The following ODC1 variants were observed in gnomAD, a reference collection of about 807,000 sequenced individuals.
ODC1 encodes the protein ornithine decarboxylase.
A neutral mutation model predicts 41.5 loss-of-function variants in ODC1; 18 were observed. The observed-to-expected ratio is 0.43, with a 90% CI of 0.30 to 0.64. ODC1 has a LOEUF of 0.64. Ranked by LOEUF, ODC1 falls within the 30% of genes least tolerant of loss-of-function variation. The pLI, the probability that ODC1 is intolerant of heterozygous loss-of-function variation, is 0.11. For synonymous variants in ODC1, 218 were observed against 211.6 expected, an observed-to-expected ratio of 1.03 and a Z score of -0.26; for missense variants, 504 against 589.0, an observed-to-expected ratio of 0.86 and a Z score of 1.49.
chr2:10,440,949 C>A (rs1671800069), intron 11 of ODC1, 81 bp from the exon 12 acceptor site: 1 of 1,470,164 alleles, frequency 6.8e-7, no homozygotes. Context: ...CATCAGGAAA[C>A]AATTCAATGT....
At position 10,443,738 on chromosome 2, in the gene ODC1, C is replaced by T. The variant is rs752043401; in HGVS notation, c.548G>A (p.Arg183Gln). The change falls in exon 6 of 12, where the codon CGG (arginine) becomes CAG (glutamine). Residue 183 changes from arginine to glutamine, a missense_variant. Transcript: ENST00000234111. ...AACATCGATATTTAGCTCTTTCGCC[C>T]GTTCCAAAAGGAGCCTGCTGGTTCT... ...TLRTSRLLLE[R>Q]AKELNIDVVG... 3.7e-6 allele frequency: 6 copies of T among 1,614,186 alleles called. No homozygotes were observed. Among genetic ancestry groups the T allele is most frequent in the Non-Finnish European group, 4.2e-6 (5 of 1,180,034 alleles).
chr2:10,441,607 C>G lies in ODC1; in HGVS notation c.1143G>C (p.Met381Ile), dbSNP rs1348369745. The G allele has an allele frequency of 3.7e-6, 6 of 1,614,236 alleles. No homozygotes were observed. Among genetic ancestry groups the G allele is most frequent in the Non-Finnish European group, 5.1e-6 (6 of 1,180,046 alleles). The change falls in exon 11 of 12, where the codon ATG becomes ATC. Residue 381 changes from methionine to isoleucine, a missense_variant. By Grantham distance (10) the Met-to-Ile change is conservative. Coordinates refer to ENST00000234111, the MANE Select transcript of ODC1 (RefSeq NM_002539.3). ...TGTAAGCGCCCATGTTTTCAAAGAG[C>G]ATCCAATCACCCACATGCATTTCAG... ...DLPEMHVGDW[M>I]LFENMGAYTV... is the part of the protein sequence containing the mutation.
rs759383695 is a variant in ODC1, at chr2:10,442,133, C to T, written c.792G>A (p.Pro264=). ...VINPALDKYF[P]SDSGVRIIAE... Reference sequence around the variant, plus strand: ...CTATGATTCTCACTCCAGAGTCTGACGGAAAGTATTTGTCCAACGCTGGGT... The same window carrying T: ...CTATGATTCTCACTCCAGAGTCTGATGGAAAGTATTTGTCCAACGCTGGGT... The change falls in exon 9 of 12, where the codon CCG becomes CCA. Residue 264 remains proline (P), a synonymous_variant. Transcript: ENST00000234111. 6.2e-6 allele frequency: 10 copies of T among 1,613,600 alleles called. No individual in the cohort carries two copies. Among genetic ancestry groups the T allele is most frequent in the East Asian group, 2.2e-5 (1 of 44,896 alleles).
At chr2:10,442,313 C>T in intron 8 of ODC1, 139 bp from the exon 9 acceptor site, 2 of 861,552 alleles carry the variant, frequency 2.3e-6, no homozygotes, top group East Asian at 5.3e-5. Context: ...GTAACAAAAG[C>T]AAAAAAACAT....
intron 1 of ODC1, among the ~76,000 whole-genome samples, chr2:10,445,791 A>G (rs1671993735): frequency 6.6e-6 from 1 of 152,016 alleles, no homozygotes; most frequent in South Asian, 2.1e-4. Flanking sequence ...GCCTGCCACC[A>G]TGCCCGGCTA....
chr2:10,440,062 G>C lies in ODC1; in HGVS notation c.*662C>G, dbSNP rs1404889746. The C allele has an allele frequency of 6.6e-6, 1 of 152,322 alleles. No homozygotes were observed. The highest frequency in any genetic ancestry group is 1.5e-5 in the Non-Finnish European group (1 of 68,128). 9.4% of individuals were successfully genotyped at this position (152,322 alleles called of 1,614,324 possible). On this transcript the variant is annotated 3_prime_UTR_variant, in exon 12 of 12. Coordinates refer to ENST00000234111, the MANE Select transcript of ODC1 (RefSeq NM_002539.3). ...ACTTCTCACAGGCATGAAGGTGGGA[G>C]GGGACACGGATGGTCTCTGCAGGCC...
intron 1 of ODC1, chr2:10,446,748 G>A (rs767664958): frequency 2.0e-4 from 96 of 471,262 alleles, no homozygotes; most frequent in Non-Finnish European, 3.6e-4. Context: ...AGCAGCCTAC[G>A]GGCACAGAGG....
chr2:10,440,882 A>C lies in ODC1; in HGVS notation c.1242-14T>G. ...TGCATGAGTTGCCTGAGAAAGAAAA[A>C]GTGGCATATTAAAAACCCTGACTCA... On this transcript the variant is annotated splice_polypyrimidine_tract_variant and intron_variant, in intron 11 of 11. Transcript: ENST00000234111. The C allele has an allele frequency of 6.2e-7, 1 of 1,613,904 alleles. No homozygotes were observed. The highest frequency in any genetic ancestry group is 8.5e-7 in the Non-Finnish European group (1 of 1,179,912).
rs1194421807 is a variant in ODC1 at position 10,440,642 on chromosome 2, A to G, written c.*82T>C. 1 of 1,441,196 alleles carries G rather than the reference A, an allele frequency of 6.9e-7. No homozygotes were observed. Among genetic ancestry groups the G allele is most frequent in the African/African-American group, 1.4e-5 (1 of 70,808 alleles). The allele number at this position is 1,441,196 out of a possible 1,614,324, so 89.3% of individuals were successfully genotyped here. A position where few individuals can be genotyped will look rare whatever the true frequency, so the allele number is the denominator to read the frequency against. ...CCTACTCTTACAAAGACATTTCAAA[A>G]CTAGCAGTAATTAAGTTACATGGTC... On this transcript the variant is annotated 3_prime_UTR_variant, in exon 12 of 12. Transcript: ENST00000234111.
chr2:10,442,231 G>A, intron 8 of ODC1, 57 bp from the exon 9 acceptor site: 1 of 1,523,278 alleles, frequency 6.6e-7, no homozygotes, highest in South Asian at 1.3e-5. Context: ...ATTCACATGG[G>A]GGAGTAACAT....
At chr2:10,443,601 T>C in intron 6 of ODC1, 30 bp from the exon 7 acceptor site, 2 of 1,607,562 alleles carry the variant, frequency 1.2e-6, no homozygotes, top group Non-Finnish European at 1.7e-6. Context: ...CGAGACACTG[T>C]GTCTTAGTAT....
intron 1 of ODC1, 33 bp from the exon 2 acceptor site, chr2:10,445,297 C>A: frequency 5.2e-6 from 2 of 381,212 alleles, no homozygotes; most frequent in East Asian, 6.1e-5. Flanking sequence ...TGCTGTCTAC[C>A]TTAGGAACAC....
At chr2:10,440,900 CT>C (rs749922302) in intron 11 of ODC1, 32 bp from the exon 12 acceptor site, 62 of 1,612,708 alleles carry the variant, frequency 3.8e-5, no homozygotes, top group Middle Eastern at 3.4e-4. Flanking sequence ...ATTAAAAACC[CT>C]GACTCACTCC....
chr2:10,444,450 T>C (rs527717465), intron 4 of ODC1, 24 bp downstream of exon 4: 2 of 1,585,874 alleles, frequency 1.3e-6, no homozygotes, highest in East Asian at 2.2e-5. Flanking sequence ...TACAACGCTT[T>C]TGAGGCCTGC....
intron 1 of ODC1, 83 bp from the exon 2 acceptor site, chr2:10,445,347 G>T: frequency 6.4e-6 from 2 of 310,368 alleles, no homozygotes; most frequent in Non-Finnish European, 6.2e-6. Context: ...CACACGCAGA[G>T]CTAATCATGC....
intron 1 of ODC1, chr2:10,447,768 C>T: frequency 6.6e-6 from 1 of 152,270 alleles, no homozygotes; most frequent in Non-Finnish European, 1.5e-5. Context: ...GCACCTGCTG[C>T]GCGGCCGCCA....
At chr2:10,441,324 G>A (rs922798749) in intron 11 of ODC1, among the ~76,000 whole-genome samples, 185 bp downstream of exon 11, 1 of 152,170 alleles carries the variant, frequency 6.6e-6, no homozygotes, top group Non-Finnish European at 1.5e-5. Context: ...CACATGGCAT[G>A]AACTTAAATA....
Sources: gnomAD v4.1 joint callset for allele counts (sites outside exome capture counted in the v4.1 genomes callset) on GRCh38, gnomAD v4.1.1 for gene constraint, MANE v1.5 for transcripts, NCBI Gene and HGNC (gene_info 2026-07-23, HGNC 2026-07-21) for gene names.